FSTL5: variants seen among roughly 807,000 people sequenced by gnomAD.
FSTL5 encodes the protein follistatin like 5.
Under a neutral mutation model 89.1 loss-of-function variants are expected in FSTL5, and 62 were observed. That is an observed-to-expected ratio of 0.70 (90% CI 0.57 to 0.86). The LOEUF is 0.86. Ranked by LOEUF, FSTL5 falls within the 40% of genes least tolerant of loss-of-function variation. The pLI is 0.00. For synonymous variants in FSTL5, 383 were observed against 346.2 expected, an observed-to-expected ratio of 1.11 and a Z score of -1.18; for missense variants, 1,057 against 1,001.6, an observed-to-expected ratio of 1.06 and a Z score of -0.75.
At chr4:161,979,946 C>T (rs72978664) in intron 3 of FSTL5, among the ~76,000 whole-genome samples, 5,148 of 151,788 alleles carry the variant, frequency 0.034, 281 homozygotes, top group African/African-American at 0.12. Flanking sequence ...ATACAGATGC[C>T]TCCAATGCAA....
intron 6 of FSTL5, among the ~76,000 whole-genome samples, chr4:161,704,017 A>T (rs1397161489): frequency 6.6e-6 from 1 of 152,178 alleles, no homozygotes; most frequent in African/African-American, 2.4e-5. Context: ...TGTGAAATAA[A>T]AATAAATCTT....
At chr4:161,406,851 G>T (rs1731397308) in intron 15 of FSTL5, among the ~76,000 whole-genome samples, 6 of 151,994 alleles carry the variant, frequency 3.9e-5, no homozygotes. Flanking sequence ...CATAGAATAG[G>T]GTGGATAGAG....
intron 2 of FSTL5, among the ~76,000 whole-genome samples, chr4:162,066,965 G>A (rs1453200109): frequency 6.6e-6 from 1 of 152,004 alleles, no homozygotes. Flanking sequence ...GGATTGCTGG[G>A]TCAAATGGTA....
At chr4:161,565,455 T>C (rs1164386199) in intron 8 of FSTL5, among the ~76,000 whole-genome samples, 1 of 151,852 alleles carries the variant, frequency 6.6e-6, no homozygotes, top group East Asian at 1.9e-4. Context: ...TTAACACATT[T>C]TTCTCTCTGA....
At chr4:161,855,003 G>GTTTTTTTTTTT (rs1221548568) in intron 4 of FSTL5, among the ~76,000 whole-genome samples, 1 of 16,134 alleles carries the variant, frequency 6.2e-5, no homozygotes, top group East Asian at 1.8e-3. Context: ...TGGTTGAGAG[G>GTTTTTTTTTTT]TTTTTTTTTT....
In FSTL5 at chr4:162,088,588, T is replaced by C. The variant is rs537558106; in HGVS notation, c.126+22683A>G. On this transcript the variant is annotated intron_variant, in intron 2 of 15. Coordinates refer to ENST00000306100, the MANE Select transcript of FSTL5 (RefSeq NM_020116.5). ...AACAATCTTCTCATAGACTAGATGATTTTTAACACCCTCAAAATACATAAC... is the reference window on the plus strand; with the variant it reads ...AACAATCTTCTCATAGACTAGATGACTTTTAACACCCTCAAAATACATAAC... Among the ~76,000 whole-genome samples the C allele has an allele frequency of 2.0e-5, 3 of 152,196 alleles. No individual in the cohort carries two copies. The South Asian group carries it at 6.2e-4, about 32-fold the overall frequency.
chr4:162,120,314 G>A (rs541439344), intron 1 of FSTL5, among the ~76,000 whole-genome samples: 7 of 152,120 alleles, frequency 4.6e-5, no homozygotes, highest in South Asian at 4.1e-4. Flanking sequence ...TGGTACTTAC[G>A]AAAGCCCCAC....
At chr4:162,086,127 T>C (rs561753687) in intron 2 of FSTL5, among the ~76,000 whole-genome samples, 109 of 152,194 alleles carry the variant, frequency 7.2e-4, no homozygotes, top group African/African-American at 2.3e-3. Flanking sequence ...ATGTGTTTTT[T>C]AATCAGCCAT....
At position 161,726,313 on chromosome 4, in the gene FSTL5, G is replaced by A. The variant is rs191565600; in HGVS notation, c.727+33098C>T. The stretch of plus-strand genomic sequence containing the variant: ...AAGATCTCGGCTCACTGCTACCTCC[G>A]CCTCCCGGGTTCAAGCAATTCTCCT... On this transcript the variant is annotated intron_variant, in intron 6 of 15. Coordinates refer to ENST00000306100, the MANE Select transcript of FSTL5 (RefSeq NM_020116.5). Among the ~76,000 whole-genome samples the A allele has an allele frequency of 6.5e-3, 858 of 131,782 alleles. 10 individuals carry two copies. Among genetic ancestry groups the A allele is most frequent in the Non-Finnish European group, 9.9e-3 (645 of 65,182 alleles). 86.5% of individuals were successfully genotyped at this position (131,782 alleles called of 152,430 possible).
At chr4:161,956,287 C>A (rs1458630821) in intron 3 of FSTL5, among the ~76,000 whole-genome samples, 1 of 151,002 alleles carries the variant, frequency 6.6e-6, no homozygotes, top group Non-Finnish European at 1.5e-5. Flanking sequence ...AAGAGATTGC[C>A]CAATTAAGAA....
chr4:161,582,800 CGTCACA>C (rs1733479748), intron 8 of FSTL5, among the ~76,000 whole-genome samples: 1 of 152,066 alleles, frequency 6.6e-6, no homozygotes, highest in South Asian at 2.1e-4. Flanking sequence ...GGTGGCAATA[CGTCACA>C]GTCAGAGAAA....
intron 15 of FSTL5, among the ~76,000 whole-genome samples, chr4:161,446,158 G>T (rs966409849): frequency 2.6e-5 from 4 of 151,908 alleles, no homozygotes; most frequent in African/African-American, 9.7e-5. Flanking sequence ...TGAAGATAGA[G>T]CATATCAGTG....
At chr4:161,903,142 A>T (rs1560908153) in intron 4 of FSTL5, among the ~76,000 whole-genome samples, 1 of 151,698 alleles carries the variant, frequency 6.6e-6, no homozygotes, top group African/African-American at 2.4e-5. Context: ...AAGCTTTAAC[A>T]TTTTTTTTCA....
chr4:161,731,914 A>C (rs1473850109), intron 6 of FSTL5, among the ~76,000 whole-genome samples: 4 of 152,070 alleles, frequency 2.6e-5, no homozygotes, highest in Non-Finnish European at 5.9e-5. Context: ...GGAACATTTG[A>C]GCTATTTCCA....
chr4:161,983,590 T>C (rs1255196964), intron 3 of FSTL5, among the ~76,000 whole-genome samples: 13 of 152,294 alleles, frequency 8.5e-5, no homozygotes, highest in Admixed American at 7.2e-4. Flanking sequence ...ATCATTAATA[T>C]GAAATACGTG....
intron 8 of FSTL5, among the ~76,000 whole-genome samples, chr4:161,557,912 C>G (rs1366662294): frequency 6.6e-6 from 1 of 151,620 alleles, no homozygotes; most frequent in Non-Finnish European, 1.5e-5. Context: ...ATAAACTGAA[C>G]CTTAAGGTTC....
chr4:161,898,913 G>A (rs1195210534), intron 4 of FSTL5, among the ~76,000 whole-genome samples: 1 of 152,054 alleles, frequency 6.6e-6, no homozygotes, highest in African/African-American at 2.4e-5. Context: ...ACAAGCCTGA[G>A]CCACCGCGCC....
chr4:161,592,445 C>A (rs1733853365), intron 7 of FSTL5, among the ~76,000 whole-genome samples: 1 of 150,622 alleles, frequency 6.6e-6, no homozygotes, highest in Non-Finnish European at 1.5e-5. Flanking sequence ...CCCTGAGAGA[C>A]CCCAATGTGT....
chr4:161,943,966 T>A (rs1268056637), intron 3 of FSTL5, among the ~76,000 whole-genome samples: 1 of 152,134 alleles, frequency 6.6e-6, no homozygotes, highest in Admixed American at 6.5e-5. Flanking sequence ...CTGGATAAAG[T>A]TTTCCTAGTT....
Sources: gnomAD v4.1 joint callset for allele counts (sites outside exome capture counted in the v4.1 genomes callset) on GRCh38, gnomAD v4.1.1 for gene constraint, MANE v1.5 for transcripts, NCBI Gene and HGNC (gene_info 2026-07-23, HGNC 2026-07-21) for gene names.